ADAMTS18: variants seen among roughly 807,000 people sequenced by gnomAD.
ADAMTS18 encodes the protein ADAM metallopeptidase with thrombospondin type 1 motif 18, also known as A disintegrin and metalloproteinase with thrombospondin motifs 18.
A neutral mutation model predicts 165.9 loss-of-function variants in ADAMTS18; 157 were observed. The ratio of observed to expected loss-of-function variants is 0.95; its 90% CI spans 0.83 to 1.08. The LOEUF (loss-of-function observed/expected upper bound fraction) is 1.08. Ranked by LOEUF, ADAMTS18 falls within the 50% of genes least tolerant of loss-of-function variation. The pLI is 0.00. For synonymous variants in ADAMTS18, 782 were observed against 578.2 expected, an observed-to-expected ratio of 1.35 and a Z score of -5.06; for missense variants, 2,040 against 1,534.0, an observed-to-expected ratio of 1.33 and a Z score of -5.51.
At chr16:77,433,049 C>A (rs978432187) in intron 2 of ADAMTS18, among the ~76,000 whole-genome samples, 1 of 152,022 alleles carries the variant, frequency 6.6e-6, no homozygotes, top group African/African-American at 2.4e-5. Flanking sequence ...TTTTTCCCCT[C>A]TCTTAACCTT....
intron 3 of ADAMTS18, among the ~76,000 whole-genome samples, chr16:77,418,775 A>G (rs2057562747): frequency 6.6e-6 from 1 of 152,218 alleles, no homozygotes; most frequent in Non-Finnish European, 1.5e-5. Flanking sequence ...AACACCTGCC[A>G]AAGAGTGGGC....
chr16:77,377,006 G>C (rs1012177670), intron 3 of ADAMTS18, among the ~76,000 whole-genome samples: 3 of 151,856 alleles, frequency 2.0e-5, no homozygotes, highest in South Asian at 2.1e-4. Context: ...GTAGAGATGA[G>C]GTTTCATCAC....
intron 3 of ADAMTS18, among the ~76,000 whole-genome samples, chr16:77,401,867 C>T (rs1441609625): frequency 1.3e-5 from 2 of 152,234 alleles, no homozygotes; most frequent in Non-Finnish European, 2.9e-5. Context: ...GACATCCACA[C>T]TCCAGGTTCT....
intron 3 of ADAMTS18, among the ~76,000 whole-genome samples, chr16:77,419,781 A>G (rs533410599): frequency 6.6e-6 from 1 of 152,054 alleles, no homozygotes; most frequent in East Asian, 1.9e-4. Context: ...CAGGTGAATC[A>G]TGAGGTCAGG....
intron 8 of ADAMTS18, among the ~76,000 whole-genome samples, chr16:77,358,684 T>C (rs1203793135): frequency 6.6e-6 from 1 of 152,242 alleles, no homozygotes; most frequent in African/African-American, 2.4e-5. Flanking sequence ...ATTTCCTGTA[T>C]GTTGAATAAA....
chr16:77,383,758 G>A (rs577126553), intron 3 of ADAMTS18, among the ~76,000 whole-genome samples: 1 of 152,240 alleles, frequency 6.6e-6, no homozygotes, highest in Admixed American at 6.5e-5. Context: ...GGTCAGGCTG[G>A]TCTTGAACTC....
chr16:77,386,553 A>G (rs2057110636), intron 3 of ADAMTS18, among the ~76,000 whole-genome samples: 1 of 152,158 alleles, frequency 6.6e-6, no homozygotes, highest in African/African-American at 2.4e-5. Context: ...AAGATGTGGC[A>G]TAAGCTCTCC....
chr16:77,381,599 C>T (rs745471204), intron 3 of ADAMTS18, among the ~76,000 whole-genome samples: 5 of 151,920 alleles, frequency 3.3e-5, no homozygotes, highest in African/African-American at 4.8e-5. Context: ...GTCAGAAGTT[C>T]GAGACCAGCC....
intron 3 of ADAMTS18, among the ~76,000 whole-genome samples, chr16:77,398,300 GA>G (rs1007349646): frequency 6.6e-5 from 10 of 151,826 alleles, no homozygotes; most frequent in African/African-American, 2.4e-4. Flanking sequence ...CTGAGAAACA[GA>G]GAGACACTCT....
At chr16:77,404,003 C>T (rs760092601) in intron 3 of ADAMTS18, among the ~76,000 whole-genome samples, 1 of 21,872 alleles carries the variant, frequency 4.6e-5, no homozygotes. Context: ...CACCCTTCCT[C>T]CCTCCCTCCC....
At chr16:77,404,181 CAA>C (rs199903986) in intron 3 of ADAMTS18, among the ~76,000 whole-genome samples, 2 of 151,826 alleles carry the variant, frequency 1.3e-5, no homozygotes, top group Non-Finnish European at 2.9e-5. Context: ...GGTGGAGGAG[CAA>C]AAAAACGTGA....
At chr16:77,422,964 G>A (rs2057622970) in intron 3 of ADAMTS18, among the ~76,000 whole-genome samples, 1 of 152,180 alleles carries the variant, frequency 6.6e-6, no homozygotes, top group Non-Finnish European at 1.5e-5. Context: ...TGAAGGTCCT[G>A]TTCAGACACC....
In ADAMTS18 at chr16:77,289,146, C is replaced by A. The variant is rs989457286; in HGVS notation, c.3550+118G>T. 1.2e-5 allele frequency: 16 copies of A among 1,328,912 alleles called. No homozygotes were observed. The African/African-American group carries it at 2.0e-4, about 17-fold the overall frequency. 82.3% of individuals were successfully genotyped at this position (1,328,912 alleles called of 1,614,324 possible). On this transcript the variant is annotated intron_variant, in intron 22 of 22. Transcript: ENST00000282849. ...CCAGGGAGCACTGTCACATAGACTT[C>A]GGGTGAATGGCTTACCCTAGAGTTG... is the stretch of plus-strand genomic sequence containing the variant.
intron 16 of ADAMTS18, among the ~76,000 whole-genome samples, chr16:77,309,566 G>A (rs2055742647): frequency 1.3e-5 from 2 of 152,182 alleles, no homozygotes; most frequent in African/African-American, 4.8e-5. Context: ...AGTGATAAAA[G>A]TGAAGGTCTG....
chr16:77,340,655 A>T (rs894659093), intron 11 of ADAMTS18, among the ~76,000 whole-genome samples: 3 of 152,138 alleles, frequency 2.0e-5, no homozygotes, highest in Non-Finnish European at 4.4e-5. Context: ...ATCACAGCAC[A>T]CTACAGCCTC....
At chr16:77,317,398 A>G (rs2055906734) in intron 16 of ADAMTS18, among the ~76,000 whole-genome samples, 1 of 152,134 alleles carries the variant, frequency 6.6e-6, no homozygotes, top group African/African-American at 2.4e-5. Context: ...CAGTGATGCA[A>G]TCTCGGCTCA....
At position 77,362,091 on chromosome 16, in the gene ADAMTS18, T is replaced by C. The variant is rs749791297; in HGVS notation, c.1216+14A>G. The C allele has an allele frequency of 6.2e-7, 1 of 1,613,962 alleles. No individual in the cohort carries two copies. The highest frequency in any genetic ancestry group is 8.5e-7 in the Non-Finnish European group (1 of 1,179,954). ...AGCTAACAGGTGTGTGTGAAGGATC[T>C]GTTCATACCATACCTAGAGTGTCAC... On this transcript the variant is annotated intron_variant, in intron 7 of 22. Transcript: ENST00000282849.
chr16:77,383,869 G>A (rs2057068783), intron 3 of ADAMTS18, among the ~76,000 whole-genome samples: 1 of 152,068 alleles, frequency 6.6e-6, no homozygotes, highest in African/African-American at 2.4e-5. Context: ...AACAAGGTTG[G>A]CTTTGTTTCA....
chr16:77,289,469 A>C (rs2144559121), intron 21 of ADAMTS18, 58 bp from the exon 22 acceptor site: 1 of 1,585,738 alleles, frequency 6.3e-7, no homozygotes, highest in East Asian at 2.2e-5. Flanking sequence ...AGTGACATCA[A>C]ACAGAAGGAA....
Sources: allele counts gnomAD v4.1 joint callset (sites outside exome capture counted in the v4.1 genomes callset), GRCh38; gene constraint gnomAD v4.1.1; transcripts MANE v1.5; gene names NCBI Gene and HGNC (gene_info 2026-07-23, HGNC 2026-07-21).